Variants in NOTCH2 observed in about 807,000 individuals in gnomAD.
NOTCH2 encodes the protein notch receptor 2.
NOTCH2 carries 29 observed loss-of-function variants against 235.8 expected under a neutral mutation model. The ratio of observed to expected loss-of-function variants is 0.12; its 90% CI spans 0.09 to 0.17. The LOEUF is 0.17. Ranked by LOEUF, NOTCH2 falls within the 10% of genes least tolerant of loss-of-function variation. NOTCH2 has a pLI of 1.00. For missense variants in NOTCH2, 2,285 were observed against 3,150.2 expected, an observed-to-expected ratio of 0.73 and a Z score of 6.57; for synonymous variants, 1,086 against 1,141.5, an observed-to-expected ratio of 0.95 and a Z score of 0.98.
At chr1:120,014,145 A>G (rs1653324568) in intron 2 of NOTCH2, among the ~76,000 whole-genome samples, 1 of 152,118 alleles carries the variant, frequency 6.6e-6, no homozygotes, top group South Asian at 2.1e-4. Flanking sequence ...TGAACTCTGA[A>G]AGAACATACT....
chr1:120,009,710 G>A (rs1239393418), intron 2 of NOTCH2, among the ~76,000 whole-genome samples: 1 of 149,012 alleles, frequency 6.7e-6, no homozygotes, highest in Non-Finnish European at 1.5e-5. Context: ...AGGGAGAATT[G>A]CTAACCACTC....
At chr1:119,938,653 G>T (rs1355939086) in intron 19 of NOTCH2, among the ~76,000 whole-genome samples, 1 of 151,946 alleles carries the variant, frequency 6.6e-6, no homozygotes, top group Non-Finnish European at 1.5e-5. Context: ...AGGCTTTATG[G>T]GTTTTCATTT....
chr1:119,979,497 T>A (rs1553201386), intron 5 of NOTCH2, among the ~76,000 whole-genome samples: 2 of 152,172 alleles, frequency 1.3e-5, no homozygotes, highest in African/African-American at 4.8e-5. Flanking sequence ...AACTTGTGTA[T>A]GAAGGCAACT....
At chr1:119,961,855 A>G (rs868963502) in intron 11 of NOTCH2, among the ~76,000 whole-genome samples, 5 of 152,144 alleles carry the variant, frequency 3.3e-5, no homozygotes, top group African/African-American at 4.8e-5. Flanking sequence ...TCCAAACACC[A>G]AACTACCAAC....
At chr1:120,023,360 C>A (rs1432227893) in intron 2 of NOTCH2, among the ~76,000 whole-genome samples, 14 of 150,994 alleles carry the variant, frequency 9.3e-5, no homozygotes, top group South Asian at 2.1e-4. Context: ...TGGCAAGAAC[C>A]CGGGAGGCGG....
chr1:119,997,316 C>T lies in NOTCH2; in HGVS notation c.432G>A (p.Trp144Ter). The T allele has an allele frequency of 6.2e-7, 1 of 1,613,980 alleles. No individual in the cohort carries two copies. Among genetic ancestry groups the T allele is most frequent in the Non-Finnish European group, 8.5e-7 (1 of 1,179,860 alleles). ...AGGGATGAGACAGGCAGGCATCCGTCCATTGGCACTCCTTACCTAAAGGAA... is the reference window on the plus strand; with the variant it reads ...AGGGATGAGACAGGCAGGCATCCGTTCATTGGCACTCCTTACCTAAAGGAA... ...QVGFTGKECQWTDACLSHPCA... is the reference protein window; with the variant it reads ...QVGFTGKECQ The change falls in exon 4 of 34, where the codon TGG becomes TGA. Residue 144 changes from tryptophan (W) to a stop codon, truncating the protein, a stop_gained. Coordinates refer to ENST00000256646, the MANE Select transcript of NOTCH2 (RefSeq NM_024408.4). LOFTEE classifies it high-confidence loss of function.
Position 119,922,792 on chromosome 1 carries a change from A to G in NOTCH2, c.4860-14T>C. On this transcript the variant is annotated splice_polypyrimidine_tract_variant and intron_variant, in intron 26 of 33. Coordinates refer to ENST00000256646, the MANE Select transcript of NOTCH2 (RefSeq NM_024408.4). ...AAGACTTTAGAGCTGTGGGATGCCA[A>G]GGGAGAAGCGGAGGAGGAGAGATGG... is the stretch of plus-strand genomic sequence containing the variant. 1 of 1,614,054 alleles carries G rather than the reference A, an allele frequency of 6.2e-7. No homozygotes were observed. The highest frequency in any genetic ancestry group is 1.1e-5 in the South Asian group (1 of 91,080).
intron 22 of NOTCH2, among the ~76,000 whole-genome samples, chr1:119,932,189 C>T (rs1332367074): frequency 1.3e-5 from 2 of 152,004 alleles, no homozygotes; most frequent in African/African-American, 4.8e-5. Flanking sequence ...ATTTATTTCA[C>T]CAATATACTT....
intron 3 of NOTCH2, among the ~76,000 whole-genome samples, chr1:120,004,717 CT>C (rs1409314703): frequency 4.6e-5 from 7 of 152,244 alleles, no homozygotes; most frequent in African/African-American, 1.7e-4. Context: ...AACTTTTCCT[CT>C]GGTGACAGTG....
chr1:120,001,283 C>T (rs587602073), intron 3 of NOTCH2, among the ~76,000 whole-genome samples: 96 of 152,074 alleles, frequency 6.3e-4, no homozygotes, highest in African/African-American at 2.1e-3. Flanking sequence ...CCAACTATCC[C>T]GAGGGAAACT....
At chr1:120,033,881 A>G (rs1218027090) in intron 1 of NOTCH2, among the ~76,000 whole-genome samples, 1 of 152,072 alleles carries the variant, frequency 6.6e-6, no homozygotes, top group African/African-American at 2.4e-5. Flanking sequence ...ATCACTTTGT[A>G]CCCTATAAAT....
At position 119,959,517 on chromosome 1, in the gene NOTCH2, C is replaced by T. The variant is rs781849034; in HGVS notation, c.1916-15G>A. ...ACAATTAACCCCTGGAAGAGAAAACCCAACGGAAACCATTCAATGTTACCA... is the reference window on the plus strand; with the variant it reads ...ACAATTAACCCCTGGAAGAGAAAACTCAACGGAAACCATTCAATGTTACCA... On this transcript the variant is annotated splice_polypyrimidine_tract_variant and intron_variant, in intron 11 of 33. Coordinates refer to ENST00000256646, the MANE Select transcript of NOTCH2 (RefSeq NM_024408.4). 2.3e-6 allele frequency: 3 copies of T among 1,311,612 alleles called. No homozygotes were observed. Among genetic ancestry groups the T allele is most frequent in the Non-Finnish European group, 3.3e-6 (3 of 904,206 alleles). 81.2% of individuals were successfully genotyped at this position (1,311,612 alleles called of 1,614,324 possible). A position where few individuals can be genotyped will look rare whatever the true frequency, so the allele number is the denominator to read the frequency against.
chr1:119,926,137 A>G (rs1487709639), intron 24 of NOTCH2, among the ~76,000 whole-genome samples: 1 of 152,152 alleles, frequency 6.6e-6, no homozygotes, highest in Non-Finnish European at 1.5e-5. Context: ...CTCTGGCCCA[A>G]TCTGGGCAGT....
At chr1:119,985,553 C>T (rs587637423) in intron 5 of NOTCH2, among the ~76,000 whole-genome samples, 1 of 152,260 alleles carries the variant, frequency 6.6e-6, no homozygotes, top group South Asian at 2.1e-4. Context: ...GTTGTTTAAT[C>T]TTCACTGGCA....
In NOTCH2 at chr1:119,915,620, T is replaced by A. The variant is rs1216266278; in HGVS notation, c.7102A>T (p.Thr2368Ser). Residue 2368 changes from threonine to serine, a missense_variant, in exon 34 of 34, where the codon ACC becomes TCC. Coordinates refer to ENST00000256646, the MANE Select transcript of NOTCH2 (RefSeq NM_024408.4). The part of the protein sequence containing the change: ...MPQQDGQVAQ[T>S]ILPAYHPFPA... The stretch of plus-strand genomic sequence containing the variant: ...AAAGGATGATAGGCTGGGAGAATGG[T>A]CTGAGCTACCTGCCCGTCCTGCTGG... 2 of 1,613,872 alleles carry A rather than the reference T, an allele frequency of 1.2e-6. No individual in the cohort carries two copies. The highest frequency in any genetic ancestry group is 1.1e-5 in the South Asian group (1 of 91,084).
At chr1:119,935,693 G>T in intron 21 of NOTCH2, 89 bp from the exon 22 acceptor site, 9 of 1,402,554 alleles carry the variant, frequency 6.4e-6, no homozygotes, top group Non-Finnish European at 9.0e-6. Context: ...ACATTTCTGT[G>T]ACTGTCTCCC....
chr1:119,956,157 A>G (rs186732437), intron 12 of NOTCH2, among the ~76,000 whole-genome samples: 77 of 152,330 alleles, frequency 5.1e-4, no homozygotes, highest in African/African-American at 1.7e-3. Context: ...TATAACCTTG[A>G]TATTTCTTAG....
intron 23 of NOTCH2, among the ~76,000 whole-genome samples, chr1:119,927,361 G>A (rs1366529690): frequency 6.6e-6 from 1 of 152,062 alleles, no homozygotes; most frequent in Non-Finnish European, 1.5e-5. Context: ...TTTGGCCAAC[G>A]AGATCAAGCA....
chr1:119,935,676 A>T, intron 21 of NOTCH2, 72 bp from the exon 22 acceptor site: 1 of 1,529,956 alleles, frequency 6.5e-7, no homozygotes, highest in South Asian at 1.1e-5. Context: ...AGCTAGTGAG[A>T]TCTGGAACAT....
Sources: allele counts gnomAD v4.1 joint callset (sites outside exome capture counted in the v4.1 genomes callset), GRCh38; gene constraint gnomAD v4.1.1; transcripts MANE v1.5; gene names NCBI Gene and HGNC (gene_info 2026-07-23, HGNC 2026-07-21).